The following CSMD1 variants were observed in gnomAD, a reference collection of about 807,000 sequenced individuals.
The protein encoded by CSMD1 is CUB and Sushi multiple domains 1, also known as CUB and sushi domain-containing protein 1.
Under a neutral mutation model 417.5 loss-of-function variants are expected in CSMD1, and 213 were observed. The observed-to-expected ratio is 0.51, with a 90% CI of 0.46 to 0.57. The LOEUF (loss-of-function observed/expected upper bound fraction) is 0.57, where lower values mean the gene tolerates loss of function less well. CSMD1 is among the 20% of genes least tolerant of loss of function. The pLI, the probability that CSMD1 is intolerant of heterozygous loss-of-function variation, is 0.00. For synonymous variants in CSMD1, 2,862 were observed against 1,736.8 expected, an observed-to-expected ratio of 1.65 and a Z score of -16.11; for missense variants, 6,923 against 4,529.7, an observed-to-expected ratio of 1.53 and a Z score of -15.17.
intron 26 of CSMD1, among the ~76,000 whole-genome samples, chr8:3,281,268 C>G (rs1023838507): frequency 5.3e-5 from 8 of 151,980 alleles, no homozygotes; most frequent in African/African-American, 1.9e-4. Context: ...GATAATGAAA[C>G]CCTGTCTAGG....
chr8:3,783,118 C>T lies in CSMD1; in HGVS notation c.819-29076G>A, dbSNP rs147058577. On this transcript the variant is annotated intron_variant, in intron 5 of 69. Transcript: ENST00000635120. Reference sequence around the variant, plus strand: ...CCCAGCCTCCACCATCCTCCCTTCTCGGGATTTATCCAGAAGGAGATTATT... The same window carrying T: ...CCCAGCCTCCACCATCCTCCCTTCTTGGGATTTATCCAGAAGGAGATTATT... Among the ~76,000 whole-genome samples the T allele has an allele frequency of 4.1e-3, 627 of 152,280 alleles. 7 individuals are homozygous for T. The highest frequency in any genetic ancestry group is 0.027 in the Middle Eastern group (8 of 294).
At chr8:4,941,894 C>A (rs1398522934) in intron 1 of CSMD1, among the ~76,000 whole-genome samples, 4 of 152,222 alleles carry the variant, frequency 2.6e-5, no homozygotes, top group Admixed American at 6.5e-5. Flanking sequence ...GCCACCACAT[C>A]TGGCCCCATC....
intron 3 of CSMD1, among the ~76,000 whole-genome samples, chr8:4,400,015 C>G (rs988783407): frequency 6.6e-6 from 1 of 152,124 alleles, no homozygotes; most frequent in East Asian, 1.9e-4. Flanking sequence ...CCCACACCAT[C>G]TAGTGGAGGT....
At chr8:4,631,630 C>G (rs928052375) in intron 2 of CSMD1, among the ~76,000 whole-genome samples, 1 of 152,178 alleles carries the variant, frequency 6.6e-6, no homozygotes, top group African/African-American at 2.4e-5. Flanking sequence ...TAACTATCCA[C>G]AATAAAACTG....
At chr8:4,131,974 C>T (rs1803135399) in intron 3 of CSMD1, among the ~76,000 whole-genome samples, 1 of 151,876 alleles carries the variant, frequency 6.6e-6, no homozygotes, top group South Asian at 2.1e-4. Flanking sequence ...CCATGTTAGC[C>T]AGGATGGTCT....
chr8:4,934,636 A>C (rs1807474895), intron 1 of CSMD1, among the ~76,000 whole-genome samples: 1 of 138,882 alleles, frequency 7.2e-6, no homozygotes, highest in South Asian at 2.3e-4. Flanking sequence ...ACCTATCTAT[A>C]TATCATGTAT....
intron 7 of CSMD1, among the ~76,000 whole-genome samples, chr8:3,677,257 G>A (rs564540135): frequency 1.3e-5 from 2 of 152,222 alleles, no homozygotes; most frequent in South Asian, 2.1e-4. Flanking sequence ...AGCATGCATC[G>A]AAAATTTCTC....
Position 3,985,897 on chromosome 8 carries a change from T to A in CSMD1, c.818+12006A>T, listed in dbSNP as rs147106105. 2.0e-5 allele frequency among the ~76,000 whole-genome samples: 3 copies of A among 151,506 alleles called. No individual in the cohort carries two copies. The East Asian group carries it at 5.9e-4, about 30-fold the overall frequency. On this transcript the variant is annotated intron_variant, in intron 5 of 69. Coordinates refer to ENST00000635120, the MANE Select transcript of CSMD1 (RefSeq NM_033225.6). ...TTTCTTCCCAATTCATCGTGCACTCTTACTTTGAACATTTCAAACCATTTT... is the reference window on the plus strand; with the variant it reads ...TTTCTTCCCAATTCATCGTGCACTCATACTTTGAACATTTCAAACCATTTT...
chr8:4,088,547 C>T (rs1464948185), intron 3 of CSMD1, among the ~76,000 whole-genome samples: 1 of 152,184 alleles, frequency 6.6e-6, no homozygotes, highest in Non-Finnish European at 1.5e-5. Context: ...CTAAATCTCT[C>T]AAACCTTAAA....
chr8:3,361,594 G>A (rs1039246022), intron 20 of CSMD1, among the ~76,000 whole-genome samples: 1 of 141,046 alleles, frequency 7.1e-6, no homozygotes, highest in African/African-American at 2.6e-5. Flanking sequence ...GGAGGTTGCA[G>A]TGAGCTGAGA....
intron 25 of CSMD1, among the ~76,000 whole-genome samples, chr8:3,297,713 A>G (rs1804071651): frequency 6.6e-6 from 1 of 152,206 alleles, no homozygotes; most frequent in Non-Finnish European, 1.5e-5. Flanking sequence ...AAGAAAACCT[A>G]AGATAATATT....
intron 5 of CSMD1, among the ~76,000 whole-genome samples, chr8:3,996,170 A>G (rs796676450): frequency 3.4e-5 from 5 of 147,398 alleles, no homozygotes; most frequent in African/African-American, 1.2e-4. Context: ...TCACTAACAA[A>G]TCGGCCTCAC....
At chr8:4,102,231 CT>C (rs1289495449) in intron 3 of CSMD1, among the ~76,000 whole-genome samples, 1 of 152,098 alleles carries the variant, frequency 6.6e-6, no homozygotes, top group African/African-American at 2.4e-5. Flanking sequence ...GCCCCTTGCC[CT>C]TCTGTAATGT....
chr8:4,055,012 G>C (rs1005986740), intron 3 of CSMD1, among the ~76,000 whole-genome samples: 1 of 152,156 alleles, frequency 6.6e-6, no homozygotes, highest in African/African-American at 2.4e-5. Flanking sequence ...AAATGTGTGT[G>C]AAGAAGGCGC....
chr8:3,015,809 T>C (rs996580572), intron 52 of CSMD1, among the ~76,000 whole-genome samples: 18 of 151,990 alleles, frequency 1.2e-4, no homozygotes, highest in African/African-American at 4.4e-4. Context: ...AGTTAAGAGA[T>C]GGAAGAAAAG....
At chr8:3,358,130 G>A (rs1808918578) in intron 21 of CSMD1, among the ~76,000 whole-genome samples, 1 of 152,260 alleles carries the variant, frequency 6.6e-6, no homozygotes, top group Non-Finnish European at 1.5e-5. Context: ...ACATGTTTGT[G>A]TTTTATATGG....
chr8:4,394,697 G>A (rs760211170), intron 3 of CSMD1, among the ~76,000 whole-genome samples: 1 of 152,136 alleles, frequency 6.6e-6, no homozygotes, highest in Non-Finnish European at 1.5e-5. Flanking sequence ...TGCTGGCCCT[G>A]ACTGGCTTAT....
At chr8:4,984,567 T>A (rs756135689) in intron 1 of CSMD1, among the ~76,000 whole-genome samples, 1 of 152,234 alleles carries the variant, frequency 6.6e-6, no homozygotes, top group Non-Finnish European at 1.5e-5. Flanking sequence ...CTCAACATCC[T>A]CATCTTCAGT....
chr8:4,466,644 T>A (rs1563206284), intron 2 of CSMD1, among the ~76,000 whole-genome samples: 1 of 152,308 alleles, frequency 6.6e-6, no homozygotes, highest in East Asian at 1.9e-4. Context: ...TTTAAATGTT[T>A]AATTTTTCAG....
Sources: gnomAD v4.1 joint callset for allele counts (sites outside exome capture counted in the v4.1 genomes callset) on GRCh38, gnomAD v4.1.1 for gene constraint, MANE v1.5 for transcripts, NCBI Gene and HGNC (gene_info 2026-07-23, HGNC 2026-07-21) for gene names.